RIMS1: variants seen among roughly 807,000 people sequenced by gnomAD.
The protein encoded by RIMS1 is regulating synaptic membrane exocytosis 1, also known as regulating synaptic membrane exocytosis protein 1.
In RIMS1, 83 loss-of-function variants were observed where a neutral mutation model predicts 214.1. That is an observed-to-expected ratio of 0.39 (90% confidence interval 0.32 to 0.47). The LOEUF is 0.47. RIMS1 is among the 20% of genes least tolerant of loss of function. RIMS1 has a pLI of 0.99. For synonymous variants in RIMS1, 793 were observed against 786.8 expected (o/e 1.01, Z -0.13); for missense variants, 2,050 against 2,161.8 (o/e 0.95, Z 1.03).
chr6:71,919,913 A>G (rs1254686189), intron 1 of RIMS1, among the ~76,000 whole-genome samples: 1 of 152,206 alleles, frequency 6.6e-6, no homozygotes, highest in Non-Finnish European at 1.5e-5. Context: ...AACATAAGTA[A>G]CAACAAGCAC....
chr6:72,309,163 G>A (rs909394514), intron 27 of RIMS1, among the ~76,000 whole-genome samples: 3 of 152,008 alleles, frequency 2.0e-5, no homozygotes, highest in South Asian at 4.2e-4. Flanking sequence ...AAGCCTTTCT[G>A]GATCATCCTG....
chr6:72,052,757 C>A (rs1825064673), intron 2 of RIMS1, among the ~76,000 whole-genome samples: 2 of 152,140 alleles, frequency 1.3e-5, no homozygotes, highest in South Asian at 4.1e-4. Context: ...ATGTGTTATT[C>A]TCTTCCTTGT....
intron 2 of RIMS1, among the ~76,000 whole-genome samples, chr6:71,995,522 TTGTG>T (rs567610596): frequency 6.7e-6 from 1 of 148,748 alleles, no homozygotes; most frequent in East Asian, 2.0e-4. Context: ...TTGTGTTTGT[TTGTG>T]TGTGTGTGTT....
intron 1 of RIMS1, among the ~76,000 whole-genome samples, chr6:71,956,964 T>G: frequency 6.6e-6 from 1 of 152,184 alleles, no homozygotes; most frequent in East Asian, 1.9e-4. Context: ...TTTAGATATT[T>G]CTGATATATA....
chr6:71,925,843 T>A (rs1781420212), intron 1 of RIMS1, among the ~76,000 whole-genome samples: 1 of 152,244 alleles, frequency 6.6e-6, no homozygotes, highest in Non-Finnish European at 1.5e-5. Flanking sequence ...CATGTTGTTG[T>A]CTTACCAATT....
chr6:72,342,427 A>G (rs1452274224), intron 29 of RIMS1, among the ~76,000 whole-genome samples: 2 of 151,756 alleles, frequency 1.3e-5, no homozygotes, highest in East Asian at 3.9e-4. Context: ...CCATCCCTAA[A>G]ATCTGTTCAC....
At chr6:72,399,376 C>G (rs1247616278) in intron 33 of RIMS1, among the ~76,000 whole-genome samples, 1 of 151,924 alleles carries the variant, frequency 6.6e-6, no homozygotes, top group African/African-American at 2.4e-5. Context: ...CAGCCCTCCT[C>G]ACTCCTCACT....
chr6:72,131,533 G>C (rs773762115), intron 4 of RIMS1, among the ~76,000 whole-genome samples: 1 of 150,890 alleles, frequency 6.6e-6, no homozygotes, highest in Non-Finnish European at 1.5e-5. Context: ...CAAAAGGGGA[G>C]GGAGTGTACC....
At chr6:72,333,191 AGT>A (rs1194334783) in intron 28 of RIMS1, among the ~76,000 whole-genome samples, 1 of 151,906 alleles carries the variant, frequency 6.6e-6, no homozygotes, top group Non-Finnish European at 1.5e-5. Flanking sequence ...ACATTTAAAG[AGT>A]GTACGTTTTT....
intron 3 of RIMS1, 106 bp from the exon 4 acceptor site, chr6:72,099,867 AAC>A: frequency 1.2e-6 from 1 of 809,262 alleles, no homozygotes; most frequent in Non-Finnish European, 2.1e-6. Context: ...ACTTTGAAGA[AAC>A]ACATAATTGT....
At chr6:72,279,602 T>G (rs2088941308) in intron 23 of RIMS1, among the ~76,000 whole-genome samples, 1 of 152,062 alleles carries the variant, frequency 6.6e-6, no homozygotes, top group Non-Finnish European at 1.5e-5. Flanking sequence ...CAAAAAAGCA[T>G]GTTTAAACTA....
intron 6 of RIMS1, among the ~76,000 whole-genome samples, chr6:72,191,055 C>T (rs961058427): frequency 7.2e-5 from 11 of 152,216 alleles, no homozygotes; most frequent in African/African-American, 2.7e-4. Flanking sequence ...ACACCTCAGA[C>T]ACCATTAGAT....
intron 28 of RIMS1, among the ~76,000 whole-genome samples, chr6:72,325,278 TAGAG>T (rs942658502): frequency 2.9e-4 from 44 of 151,776 alleles, no homozygotes; most frequent in African/African-American, 9.4e-4. Flanking sequence ...TGAATCCAGA[TAGAG>T]AGAGGGATGA....
chr6:72,011,707 C>G (rs1810675596), intron 2 of RIMS1, among the ~76,000 whole-genome samples: 1 of 152,190 alleles, frequency 6.6e-6, no homozygotes, highest in Non-Finnish European at 1.5e-5. Context: ...GACATTTATG[C>G]AGCCAAAAGA....
At chr6:72,086,865 G>A (rs1056495004) in intron 2 of RIMS1, among the ~76,000 whole-genome samples, 1 of 152,090 alleles carries the variant, frequency 6.6e-6, no homozygotes. Context: ...TCATTCAGGC[G>A]GTATGAAAGA....
Position 72,290,802 on chromosome 6 carries a change from G to A in RIMS1, c.3678G>A (p.Leu1226=), listed in dbSNP as rs1234906058. The change falls in exon 25 of 34, where the codon CTG becomes CTA. Residue 1226 remains leucine, a synonymous_variant. Transcript: ENST00000521978. ...GTGAGCACTCTAGTATCAGAACACT[G>A]TGTTCTATGCACCACCTTGTCCCTG... The part of the protein sequence containing the change: ...RSSEHSSIRT[L]CSMHHLVPGG... The A allele has an allele frequency of 3.7e-6, 6 of 1,613,598 alleles. No homozygotes were observed. The highest frequency in any genetic ancestry group is 4.2e-6 in the Non-Finnish European group (5 of 1,179,794).
intron 6 of RIMS1, among the ~76,000 whole-genome samples, chr6:72,188,920 T>C (rs2049587008): frequency 6.6e-6 from 1 of 152,240 alleles, no homozygotes; most frequent in African/African-American, 2.4e-5. Context: ...AATTCCCTTC[T>C]TGGCCTGTTG....
At chr6:72,353,765 G>T (rs1456559047) in intron 29 of RIMS1, among the ~76,000 whole-genome samples, 1 of 152,136 alleles carries the variant, frequency 6.6e-6, no homozygotes, top group Non-Finnish European at 1.5e-5. Flanking sequence ...TAACAGGCAT[G>T]TACATTTATA....
In RIMS1 at chr6:72,280,567, G is replaced by T. The variant is rs114085694; in HGVS notation, c.3483-3480G>T. 3.9e-3 allele frequency among the ~76,000 whole-genome samples: 598 copies of T among 152,046 alleles called. 5 individuals carry two copies. Among genetic ancestry groups the T allele is most frequent in the African/African-American group, 0.014 (578 of 41,538 alleles). ...CTTAATTTACGTATTCTTTTAAGGG[G>T]TTAGAAGAATTATAAAGACATATCC... is the stretch of plus-strand genomic sequence containing the variant. On this transcript the variant is annotated intron_variant, in intron 23 of 33. Transcript: ENST00000521978.
Sources: gnomAD v4.1 joint callset for allele counts (sites outside exome capture counted in the v4.1 genomes callset) on GRCh38, gnomAD v4.1.1 for gene constraint, MANE v1.5 for transcripts, NCBI Gene and HGNC (gene_info 2026-07-23, HGNC 2026-07-21) for gene names.